GARIN1A: variants seen among roughly 807,000 people sequenced by gnomAD.
The protein encoded by GARIN1A is Golgi-associated RAB2 interactor protein 1A.
the GARIN1A span, among the ~76,000 whole-genome samples, chr7:128,694,805 G>C: frequency 6.6e-6 from 1 of 152,292 alleles, no homozygotes; most frequent in Non-Finnish European, 1.5e-5. Context: ...AATATATTTT[G>C]CAAGGCAGTT....
At chr7:128,688,608 C>A in the GARIN1A span, among the ~76,000 whole-genome samples, 1 of 152,200 alleles carries the variant, frequency 6.6e-6, no homozygotes, top group East Asian at 1.9e-4. Context: ...AATCCTAAGC[C>A]CTTGATGGTT....
At chr7:128,689,515 G>A in the GARIN1A span, among the ~76,000 whole-genome samples, 1 of 148,314 alleles carries the variant, frequency 6.7e-6, no homozygotes, top group Non-Finnish European at 1.5e-5. Context: ...CCCTCCGCCC[G>A]GCAGCCGCCC....
At chr7:128,684,963 G>A in the GARIN1A span, 11 of 150,640 alleles carry the variant, frequency 7.3e-5, no homozygotes, top group African/African-American at 2.2e-4. Context: ...GTGCAGTGGT[G>A]TGATCTCAGC....
the GARIN1A span, among the ~76,000 whole-genome samples, chr7:128,680,751 G>C: frequency 6.6e-6 from 1 of 151,930 alleles, no homozygotes; most frequent in African/African-American, 2.4e-5. Flanking sequence ...ATTTTTAGTA[G>C]AGACAGGGTT....
the GARIN1A span, among the ~76,000 whole-genome samples, chr7:128,690,271 G>C: frequency 6.6e-6 from 1 of 152,230 alleles, no homozygotes; most frequent in East Asian, 1.9e-4. Context: ...AAACACTGCG[G>C]AAGGCCGCAG....
chr7:128,707,788 A>T, the GARIN1A span, among the ~76,000 whole-genome samples: 3 of 152,076 alleles, frequency 2.0e-5, no homozygotes, highest in East Asian at 5.8e-4. Context: ...GACATCATAC[A>T]GTATTTGTCT....
the GARIN1A span, among the ~76,000 whole-genome samples, chr7:128,706,545 T>G: frequency 6.6e-6 from 1 of 152,184 alleles, no homozygotes; most frequent in Non-Finnish European, 1.5e-5. Flanking sequence ...ATATCTCCAG[T>G]TTCAGTCTAC....
the GARIN1A span, chr7:128,691,812 G>A: frequency 1.3e-5 from 2 of 152,328 alleles, no homozygotes; most frequent in Non-Finnish European, 2.9e-5. Context: ...TGCTCCTCTC[G>A]TGGTGGCTTC....
the GARIN1A span, among the ~76,000 whole-genome samples, chr7:128,678,428 A>C: frequency 2.0e-5 from 3 of 152,220 alleles, no homozygotes; most frequent in Non-Finnish European, 4.4e-5. Context: ...TTCAAACAGC[A>C]TGAACATTTT....
At chr7:128,672,658 C>CGGGGGGGGGGG in the GARIN1A span, 1 of 116,142 alleles carries the variant, frequency 8.6e-6, no homozygotes. Context: ...GAGGGGGGGG[C>CGGGGGGGGGGG]GGGGGGACAA....
At chr7:128,672,541 C>T in the GARIN1A span, 2 of 1,595,310 alleles carry the variant, frequency 1.3e-6, no homozygotes, top group Non-Finnish European at 1.7e-6. Context: ...TTGAAAGCAA[C>T]TTTATCCAGG....
chr7:128,689,410 G>C, the GARIN1A span, among the ~76,000 whole-genome samples: 1 of 151,666 alleles, frequency 6.6e-6, no homozygotes, highest in African/African-American at 2.4e-5. Context: ...CCTCTGCCCC[G>C]TCTGGGATGT....
At chr7:128,673,588 G>C in the GARIN1A span, among the ~76,000 whole-genome samples, 1 of 152,318 alleles carries the variant, frequency 6.6e-6, no homozygotes, top group Non-Finnish European at 1.5e-5. Flanking sequence ...AAGTAGCCAG[G>C]GGTTATAGGA....
chr7:128,679,381 C>T, the GARIN1A span, among the ~76,000 whole-genome samples: 8 of 151,892 alleles, frequency 5.3e-5, no homozygotes, highest in African/African-American at 1.9e-4. Flanking sequence ...TCAGTAGAGA[C>T]GGGGTTTCAC....
chr7:128,688,854 G>A, the GARIN1A span, among the ~76,000 whole-genome samples: 6 of 140,822 alleles, frequency 4.3e-5, no homozygotes, highest in African/African-American at 5.3e-5. Context: ...ATGCCGAGCC[G>A]AAGCTGGACT....
chr7:128,672,372 C>G, the GARIN1A span: 3 of 1,592,198 alleles, frequency 1.9e-6, no homozygotes, highest in Non-Finnish European at 2.6e-6. Context: ...CAGAAATGTT[C>G]CCAAGCCCAT....
chr7:128,679,032 G>A, the GARIN1A span, among the ~76,000 whole-genome samples: 5 of 149,822 alleles, frequency 3.3e-5, no homozygotes, highest in South Asian at 2.1e-4. Context: ...ACATATATAC[G>A]TATGTAACAA....
chr7:128,704,550 C>G, the GARIN1A span, among the ~76,000 whole-genome samples: 1 of 152,140 alleles, frequency 6.6e-6, no homozygotes, highest in Non-Finnish European at 1.5e-5. Context: ...GGTAATCTGT[C>G]TACCTCAGCC....
At chr7:128,677,415 G>C in the GARIN1A span, 10 of 817,544 alleles carry the variant, frequency 1.2e-5, no homozygotes, top group Non-Finnish European at 1.6e-5. Flanking sequence ...GCTGAGGTGG[G>C]AGAATGGCGT....
Sources: gnomAD v4.1 joint callset for allele counts (sites outside exome capture counted in the v4.1 genomes callset) on GRCh38, gnomAD v4.1.1 for gene constraint, MANE v1.5 for transcripts, NCBI Gene and HGNC (gene_info 2026-07-23, HGNC 2026-07-21) for gene names.